Variants in POLR1B observed in about 807,000 individuals in gnomAD.
POLR1B encodes the protein RNA polymerase I subunit B.
In POLR1B, 30 loss-of-function variants were observed where a neutral mutation model predicts 105.8. The observed-to-expected ratio is 0.28, with a 90% CI of 0.21 to 0.38. POLR1B has a LOEUF of 0.38. POLR1B is among the 10% of genes least tolerant of loss of function. The probability of loss-of-function intolerance (pLI) is 1.00; values close to 1 mark genes in which losing one functional copy is unlikely to be tolerated. For synonymous variants in POLR1B, 485 were observed against 505.1 expected, an observed-to-expected ratio of 0.96 and a Z score of 0.53; for missense variants, 976 against 1,435.8, an observed-to-expected ratio of 0.68 and a Z score of 5.17.
intron 7 of POLR1B, among the ~76,000 whole-genome samples, chr2:112,554,993 C>A (rs544241316): frequency 7.6e-4 from 115 of 152,280 alleles, no homozygotes; most frequent in African/African-American, 2.6e-3. Flanking sequence ...CTAGCCTGGG[C>A]AACATTGCAA....
In POLR1B at chr2:112,560,048, C is replaced by G. The variant is rs549597910; in HGVS notation, c.1612+474C>G. 6.6e-5 allele frequency among the ~76,000 whole-genome samples: 10 copies of G among 152,008 alleles called. No homozygotes were observed. The South Asian group carries it at 1.9e-3, about 28-fold the overall frequency. On this transcript the variant is annotated intron_variant, in intron 9 of 14. Transcript: ENST00000263331. ...GAGTTGGGCTGCTTTCTTGGCTCCT[C>G]TGTAGAAGGCCGAATGCATTCTTTG...
intron 3 of POLR1B, 68 bp downstream of exon 3, chr2:112,547,635 G>A: frequency 2.6e-6 from 4 of 1,517,520 alleles, no homozygotes; most frequent in Non-Finnish European, 3.6e-6. Flanking sequence ...GACAAGAAGT[G>A]TGTCAGTGTT....
At chr2:112,564,236 G>T in intron 9 of POLR1B, 130 bp from the exon 10 acceptor site, 2 of 1,098,982 alleles carry the variant, frequency 1.8e-6, no homozygotes, top group South Asian at 3.8e-5. Context: ...AATAATGCCT[G>T]TACCTGTTTT....
Position 112,551,894 on chromosome 2 carries a change from T to A in POLR1B, c.882T>A (p.Cys294Ter). The A allele has an allele frequency of 6.2e-7, 1 of 1,614,134 alleles. No homozygotes were observed. Among genetic ancestry groups the A allele is most frequent in the Non-Finnish European group, 8.5e-7 (1 of 1,179,958 alleles). ...QMLRIVMEEG[C>*]STQKQVLNYL... The stretch of plus-strand genomic sequence containing the variant: ...TAAGGATTGTAATGGAAGAGGGTTG[T>A]TCGACACAAAAACAGGTCCTTAACT... Residue 294 changes from cysteine to a stop codon, truncating the protein, a stop_gained, in exon 6 of 15, where the codon TGT becomes TGA. Transcript: ENST00000263331. LOFTEE classifies it high-confidence loss of function.
At position 112,550,879 on chromosome 2, in the gene POLR1B, CTG is replaced by C; in HGVS notation, c.644_645del (p.Val215GlufsTer39). On this transcript the variant is annotated frameshift_variant, in exon 5 of 15. Transcript: ENST00000263331. LOFTEE classifies it high-confidence loss of function. Reference sequence around the variant, plus strand: ...TTGGTTCAATAGGAGTTTCAATGCACTGTGTGAGGGAAGAACATTCCGCTGTC... The same window carrying C: ...TTGGTTCAATAGGAGTTTCAATGCACTGTGAGGGAAGAACATTCCGCTGTC... ...GYTQYGVSMH[C>X]VREEHSAVNM... 1 of 1,614,072 alleles carries C rather than the reference CTG, an allele frequency of 6.2e-7. No individual in the cohort carries two copies. The highest frequency in any genetic ancestry group is 8.5e-7 in the Non-Finnish European group (1 of 1,179,956).
At chr2:112,563,287 C>A (rs1023653374) in intron 9 of POLR1B, among the ~76,000 whole-genome samples, 1 of 148,946 alleles carries the variant, frequency 6.7e-6, no homozygotes, top group African/African-American at 2.5e-5. Context: ...GATCTCCTGA[C>A]CTCGTGATCT....
chr2:112,556,359 C>T (rs1683663110), intron 7 of POLR1B, among the ~76,000 whole-genome samples: 1 of 152,176 alleles, frequency 6.6e-6, no homozygotes, highest in East Asian at 1.9e-4. Context: ...ACTTACAAAT[C>T]CTACTAGTGT....
chr2:112,560,008 TACTCTTCTGTGC>T (rs1447510025), intron 9 of POLR1B, among the ~76,000 whole-genome samples: 22 of 152,156 alleles, frequency 1.4e-4, no homozygotes, highest in Non-Finnish European at 2.6e-4. Context: ...AATTCTTTTT[TACTCTTCTGTGC>T]AGGAGTTGGG....
chr2:112,555,066 A>G (rs1425193971), intron 7 of POLR1B, among the ~76,000 whole-genome samples: 1 of 152,216 alleles, frequency 6.6e-6, no homozygotes, highest in Non-Finnish European at 1.5e-5. Flanking sequence ...CAGCAATTCC[A>G]GCTACTCAGG....
chr2:112,560,589 T>G (rs1045790235), intron 9 of POLR1B, among the ~76,000 whole-genome samples: 1 of 151,990 alleles, frequency 6.6e-6, no homozygotes, highest in African/African-American at 2.4e-5. Flanking sequence ...GGTTCTCCAT[T>G]TATGATTTGG....
chr2:112,542,540 C>G lies in POLR1B; in HGVS notation c.46C>G (p.Leu16Val), dbSNP rs917040088. ...RWRNLPSGPSLKHLTDPSYGI... is the reference protein window; with the variant it reads ...RWRNLPSGPSVKHLTDPSYGI... ...GCGGAACCTGCCCAGCGGGCCTAGC[C>G]TAAAGCACTTGACTGACCCCTCTTA... The change falls in exon 1 of 15, where the codon CTA becomes GTA. Residue 16 changes from leucine (L) to valine (V), a missense_variant. This residue lies in a region of POLR1B where 452 missense variants were observed against 616.5 expected (regional missense o/e 0.73). Transcript: ENST00000263331. 6.2e-7 allele frequency: 1 copy of G among 1,614,062 alleles called. No homozygotes were observed. Among genetic ancestry groups the G allele is most frequent in the Non-Finnish European group, 8.5e-7 (1 of 1,180,052 alleles).
intron 3 of POLR1B, chr2:112,548,363 A>G (rs374929336): frequency 2.0e-5 from 3 of 152,238 alleles, no homozygotes; most frequent in East Asian, 3.9e-4. Context: ...TAGCTACCCC[A>G]CTCATTGTTA....
chr2:112,558,911 C>T (rs1156566676), intron 8 of POLR1B, among the ~76,000 whole-genome samples: 1 of 134,328 alleles, frequency 7.4e-6, no homozygotes. Context: ...AACCACTGTG[C>T]CCCGCCTTTT....
At position 112,542,525 on chromosome 2, in the gene POLR1B, C is replaced by T. The variant is rs796443457; in HGVS notation, c.31C>T (p.Pro11Ser). The change falls in exon 1 of 15, where the codon CCC becomes TCC. Residue 11 changes from proline (P) to serine (S), a missense_variant. This residue lies in a region of POLR1B where 452 missense variants were observed against 616.5 expected (regional missense o/e 0.73). Transcript: ENST00000263331. ...TCCTGGCAGCCGGTGGCGGAACCTG[C>T]CCAGCGGGCCTAGCCTAAAGCACTT... MDPGSRWRNL[P>S]SGPSLKHLTD... 1.2e-5 allele frequency: 19 copies of T among 1,614,084 alleles called. No individual in the cohort carries two copies. The African/African-American group carries it at 2.1e-4, about 18-fold the overall frequency.
chr2:112,574,799 A>AT, intron 14 of POLR1B, 48 bp from the exon 15 acceptor site: 2 of 1,495,904 alleles, frequency 1.3e-6, no homozygotes, highest in Non-Finnish European at 1.8e-6. Context: ...ACTTATCTCC[A>AT]TAAGTTAAAA....
At chr2:112,547,233 GGCGGGT>G in intron 2 of POLR1B, 54 bp downstream of exon 2, 8 of 1,590,696 alleles carry the variant, frequency 5.0e-6, no homozygotes, top group Non-Finnish European at 8.6e-7. Context: ...TTGGGAGTAG[GGCGGGT>G]GCCTAATAAA....
At position 112,577,239 on chromosome 2, in the gene POLR1B, ATCATT is replaced by A. The variant is rs1203026079; in HGVS notation, c.*1514_*1518del. ...CAGATAGGAACAGACAGAAAAATCT[ATCATT>A]TCAAGATAGGCTTAGCAGGATGGGC... On this transcript the variant is annotated 3_prime_UTR_variant, in exon 15 of 15. Coordinates refer to ENST00000263331, the MANE Select transcript of POLR1B (RefSeq NM_019014.6). The A allele has an allele frequency of 6.6e-6, 1 of 152,272 alleles. No individual in the cohort carries two copies. Among genetic ancestry groups the A allele is most frequent in the African/African-American group, 2.4e-5 (1 of 41,476 alleles). The allele number at this position is 152,272 out of a possible 1,614,324, so 9.4% of individuals were successfully genotyped here.
chr2:112,554,236 A>G (rs945186221), intron 7 of POLR1B, among the ~76,000 whole-genome samples: 1 of 151,742 alleles, frequency 6.6e-6, no homozygotes, highest in Non-Finnish European at 1.5e-5. Flanking sequence ...GGGTTCAAAC[A>G]ATTCTCCTGC....
At chr2:112,574,201 CAAT>C (rs1438166131) in intron 14 of POLR1B, among the ~76,000 whole-genome samples, 1 of 152,122 alleles carries the variant, frequency 6.6e-6, no homozygotes, top group Admixed American at 6.5e-5. Flanking sequence ...TTCTCACATA[CAAT>C]GTTAGCAATG....
Sources: allele counts gnomAD v4.1 joint callset (sites outside exome capture counted in the v4.1 genomes callset), GRCh38; gene constraint gnomAD v4.1.1; regional missense constraint gnomAD v4.1.1; transcripts MANE v1.5; gene names NCBI Gene and HGNC (gene_info 2026-07-23, HGNC 2026-07-21).